PER1: variants seen among roughly 807,000 people sequenced by gnomAD.
PER1 encodes the protein period circadian protein homolog 1.
Under a neutral mutation model 125.9 loss-of-function variants are expected in PER1, and 87 were observed. The observed-to-expected ratio is 0.69, with a 90% confidence interval of 0.58 to 0.83. PER1 has a LOEUF of 0.83. PER1 is among the 40% of genes least tolerant of loss of function. The pLI is 0.00. For synonymous variants in PER1, 801 were observed against 714.7 expected (o/e 1.12, Z -1.93); for missense variants, 1,775 against 1,722.8 (o/e 1.03, Z -0.54).
At chr17:8,149,227 G>A (rs1982667861) in intron 7 of PER1, 32 bp downstream of exon 7, 1 of 1,585,596 alleles carries the variant, frequency 6.3e-7, no homozygotes, top group Non-Finnish European at 8.6e-7. Flanking sequence ...AAAAAAAGGA[G>A]GCAGAGGTCT....
Position 8,146,005 on chromosome 17 carries a change from A to C in PER1, c.2171T>G (p.Phe724Cys), listed in dbSNP as rs1178280352. Residue 724 changes from phenylalanine to cysteine, a missense_variant, in exon 17 of 23, where the codon TTC (phenylalanine) becomes TGC (cysteine). By Grantham distance (205) the Phe-to-Cys change is radical. Transcript: ENST00000317276. ...SVVSVTSQCS[F>C]SSTIVHVGDK... Reference sequence around the variant, plus strand: ...TCCCACATGGACGATGGTGGAGCTGAAGCTACACTGACTGGTGACGGACAC... The same window carrying C: ...TCCCACATGGACGATGGTGGAGCTGCAGCTACACTGACTGGTGACGGACAC... 1 of 1,613,638 alleles carries C rather than the reference A, an allele frequency of 6.2e-7. No homozygotes were observed. Among genetic ancestry groups the C allele is most frequent in the African/African-American group, 1.3e-5 (1 of 74,940 alleles).
intron 12 of PER1, 32 bp downstream of exon 12, chr17:8,147,438 C>T: frequency 1.2e-6 from 2 of 1,612,794 alleles, no homozygotes; most frequent in African/African-American, 2.7e-5. Flanking sequence ...CACCTTTTCT[C>T]ACCTCCCAGG....
intron 17 of PER1, 118 bp downstream of exon 17, chr17:8,145,840 G>T: frequency 8.4e-7 from 1 of 1,193,720 alleles, no homozygotes; most frequent in Non-Finnish European, 1.2e-6. Context: ...CCAAGCCCCA[G>T]GTCAAGGGAG....
In PER1 at chr17:8,143,516, G is replaced by A. The variant is rs1280489735; in HGVS notation, c.2822C>T (p.Thr941Ile). ...AGGAGTGGGAGGCCCTTCAGCAGGG[G>A]TCTGGAGTGCCCCATAAGGATAGCT... is the stretch of plus-strand genomic sequence containing the variant. ...PSSYPYGALQ[T>I]PAEGPPTPAS... The change falls in exon 19 of 23, where the codon ACC (threonine) becomes ATC (isoleucine). Residue 941 changes from threonine (T) to isoleucine (I), a missense_variant. Coordinates refer to ENST00000317276, the MANE Select transcript of PER1 (RefSeq NM_002616.3). The A allele has an allele frequency of 2.6e-6, 4 of 1,554,072 alleles. No homozygotes were observed. The highest frequency in any genetic ancestry group is 3.5e-6 in the Non-Finnish European group (4 of 1,147,454).
Position 8,147,791 on chromosome 17 carries a change from G to C in PER1, c.1271C>G (p.Pro424Arg), listed in dbSNP as rs778073764. 20 of 1,613,920 alleles carry C rather than the reference G, an allele frequency of 1.2e-5. No individual in the cohort carries two copies. Among genetic ancestry groups the C allele is most frequent in the Non-Finnish European group, 1.6e-5 (19 of 1,180,018 alleles). Reference protein sequence around the residue: ...QLAGQPFDHSPIRFCARNGEY... With the variant: ...QLAGQPFDHSRIRFCARNGEY... The stretch of plus-strand genomic sequence containing the variant: ...CCCGTTGCGGGCACAGAAGCGGATA[G>C]GGGAGTGGTCAAAGGGCTGGCCCGC... The change falls in exon 11 of 23, where the codon CCT becomes CGT. Residue 424 changes from proline to arginine, a missense_variant. Pro to Arg is a moderately radical substitution (Grantham distance 103). Coordinates refer to ENST00000317276, the MANE Select transcript of PER1 (RefSeq NM_002616.3).
intron 17 of PER1, 100 bp downstream of exon 17, chr17:8,145,858 T>C: frequency 2.2e-6 from 3 of 1,346,830 alleles, no homozygotes; most frequent in Non-Finnish European, 3.0e-6. Flanking sequence ...GAGGCCTCCT[T>C]CTCTCCATCA....
chr17:8,147,183 C>G, intron 13 of PER1, 67 bp downstream of exon 13: 2 of 1,536,388 alleles, frequency 1.3e-6, no homozygotes, highest in Non-Finnish European at 1.8e-6. Context: ...CTGGGACTGG[C>G]AGTGCTGGTT....
At chr17:8,151,696 A>G (rs1322673397) in intron 1 of PER1, among the ~76,000 whole-genome samples, 1 of 152,028 alleles carries the variant, frequency 6.6e-6, no homozygotes, top group Non-Finnish European at 1.5e-5. Context: ...GAAGCCGGCA[A>G]CCTGCCATCG....
At chr17:8,150,984 T>G (rs1354242790) in intron 1 of PER1, 139 bp from the exon 2 acceptor site, 2 of 444,192 alleles carry the variant, frequency 4.5e-6, no homozygotes, top group African/African-American at 4.0e-5. Context: ...GGGCTTCCAA[T>G]GGGGAGTCAG....
In PER1 at chr17:8,143,682, G is replaced by A. The variant is rs760767482; in HGVS notation, c.2656C>T (p.Leu886Phe). Residue 886 changes from leucine (L) to phenylalanine (F), a missense_variant, in exon 19 of 23, where the codon CTC (leucine) becomes TTC (phenylalanine). By Grantham distance (22) the Leu-to-Phe change is conservative. Transcript: ENST00000317276. Reference protein sequence around the residue: ...PFPAVVQPYPLPVFSPRGGPQ... With the variant: ...PFPAVVQPYPFPVFSPRGGPQ... The stretch of plus-strand genomic sequence containing the variant: ...CCTCCTCGAGGAGAGAACACTGGGA[G>A]AGGGTAGGGCTGGACAACCGCTGGG... 8.1e-6 allele frequency: 12 copies of A among 1,483,990 alleles called. No homozygotes were observed. Among genetic ancestry groups the A allele is most frequent in the Non-Finnish European group, 9.9e-6 (11 of 1,111,798 alleles). 91.9% of individuals were successfully genotyped at this position (1,483,990 alleles called of 1,614,324 possible). A position where few individuals can be genotyped will look rare whatever the true frequency, so the allele number is the denominator to read the frequency against.
At chr17:8,144,685 C>G in intron 18 of PER1, 66 bp downstream of exon 18, 1 of 1,534,690 alleles carries the variant, frequency 6.5e-7, no homozygotes, top group Non-Finnish European at 8.7e-7. Context: ...CCCTTAAGAC[C>G]CACCCCCCAA....
intron 5 of PER1, 42 bp from the exon 6 acceptor site, chr17:8,149,705 G>A (rs534883626): frequency 1.9e-6 from 3 of 1,611,816 alleles, no homozygotes; most frequent in Non-Finnish European, 1.7e-6. Flanking sequence ...AAGAGCTGTG[G>A]GAGAAGGAGT....
rs1314494410 is a variant in PER1 at position 8,143,884 on chromosome 17, G to GA, written c.2462-9dup. 25 of 1,603,098 alleles carry GA rather than the reference G, an allele frequency of 1.6e-5. No homozygotes were observed. Among genetic ancestry groups the GA allele is most frequent in the Non-Finnish European group, 2.1e-5 (25 of 1,177,108 alleles). Reference sequence around the variant, plus strand: ...CGGGGCCGTGGTGGCAGCCTGTGGGGAGAGACTAGGGTTAGCAAGGACCTC... The same window carrying GA: ...CGGGGCCGTGGTGGCAGCCTGTGGGGAAGAGACTAGGGTTAGCAAGGACCTC... On this transcript the variant is annotated splice_polypyrimidine_tract_variant and intron_variant, in intron 18 of 22. Transcript: ENST00000317276.
At chr17:8,146,842 A>T (rs1056897830) in intron 14 of PER1, 55 bp downstream of exon 14, 1 of 1,603,860 alleles carries the variant, frequency 6.2e-7, no homozygotes, top group Admixed American at 1.7e-5. Flanking sequence ...TTGGGGGTGA[A>T]GGTCAGGGGA....
At chr17:8,148,967 T>C in intron 7 of PER1, 181 bp from the exon 8 acceptor site, 1 of 682,622 alleles carries the variant, frequency 1.5e-6, no homozygotes, top group Non-Finnish European at 2.4e-6. Context: ...GGCAGGCGGA[T>C]CACCTGAGGT....
chr17:8,142,580 A>G, intron 20 of PER1, 69 bp downstream of exon 20: 1 of 1,583,868 alleles, frequency 6.3e-7, no homozygotes, highest in South Asian at 1.1e-5. Context: ...CTCCGCCAAG[A>G]CGGGGCCTGG....
intron 1 of PER1, 147 bp from the exon 2 acceptor site, chr17:8,150,992 C>T: frequency 4.5e-6 from 2 of 445,026 alleles, no homozygotes; most frequent in Non-Finnish European, 7.9e-6. Context: ...AATGGGGAGT[C>T]AGGATGTCTC....
At position 8,143,759 on chromosome 17, in the gene PER1, G is replaced by A. The variant is rs754657222; in HGVS notation, c.2579C>T (p.Ser860Leu). The A allele has an allele frequency of 1.3e-5, 21 of 1,588,396 alleles. 1 individual carries two copies. In the South Asian group the frequency reaches 1.9e-4, roughly 15 times the overall value. Reference sequence around the variant, plus strand: ...CCAGGGGGTGGAGGGTGGCACGGGTGAGGGGTGTGAGACATAGCAGGGCGC... The same window carrying A: ...CCAGGGGGTGGAGGGTGGCACGGGTAAGGGGTGTGAGACATAGCAGGGCGC... ...AEAPCYVSHP[S>L]PVPPSTPWPT... The change falls in exon 19 of 23, where the codon TCA becomes TTA. Residue 860 changes from serine (S) to leucine (L), a missense_variant. By Grantham distance (145) the Ser-to-Leu change is moderately radical (BLOSUM62 -2). Transcript: ENST00000317276.
rs1279137909 is a variant in PER1 at position 8,150,053 on chromosome 17, C to T, written c.447G>A (p.Leu149=). 1 of 1,614,088 alleles carries T rather than the reference C, an allele frequency of 6.2e-7. No individual in the cohort carries two copies. The highest frequency in any genetic ancestry group is 1.7e-5 in the Admixed American group (1 of 60,014). The change falls in exon 4 of 23, where the codon CTG becomes CTA. Residue 149 remains leucine, a synonymous_variant. Coordinates refer to ENST00000317276, the MANE Select transcript of PER1 (RefSeq NM_002616.3). The part of the protein sequence containing the change: ...MTALRELKLR[L]PPERRGKGRS... ...GGCCCTTGCCCCGGCGCTCTGGCGG[C>T]AGTCGAAGCTTGAGCTCTCGAAGTG... is the stretch of plus-strand genomic sequence containing the variant.
Sources: gnomAD v4.1 joint callset for allele counts (sites outside exome capture counted in the v4.1 genomes callset) on GRCh38, gnomAD v4.1.1 for gene constraint, MANE v1.5 for transcripts, NCBI Gene and HGNC (gene_info 2026-07-23, HGNC 2026-07-21) for gene names.